TSC2: variants seen among roughly 807,000 people sequenced by gnomAD.
TSC2 encodes TSC complex subunit 2, also known as tuberin.
In TSC2, 29 loss-of-function variants were observed where a neutral mutation model predicts 202.2. That is an observed-to-expected ratio of 0.14 (90% confidence interval 0.11 to 0.20). The LOEUF (loss-of-function observed/expected upper bound fraction) is 0.20. TSC2 is among the 10% of genes least tolerant of loss of function. The pLI, the probability that TSC2 is intolerant of heterozygous loss-of-function variation, is 1.00. For missense variants in TSC2, 2,429 were observed against 2,420.0 expected (o/e 1.00, Z -0.08); for synonymous variants, 1,349 against 1,044.0 (o/e 1.29, Z -5.63).
At chr16:2,055,094 T>G (rs1241958134) in intron 5 of TSC2, 1 of 450,446 alleles carries the variant, frequency 2.2e-6, no homozygotes. Context: ...AGTCTGGTGA[T>G]GTCGGCGTCT....
chr16:2,082,164 C>T (rs943282795), intron 31 of TSC2: 5 of 595,114 alleles, frequency 8.4e-6, no homozygotes, highest in African/African-American at 1.9e-5. Flanking sequence ...CCACCCCACT[C>T]GGCACCGTGC....
intron 13 of TSC2, 24 bp downstream of exon 13, chr16:2,062,624 C>CCTGGCACCTGGAGCCTGGCCCTGT (rs2086784965): frequency 6.3e-7 from 1 of 1,582,704 alleles, no homozygotes; most frequent in South Asian, 1.1e-5. Flanking sequence ...TGTAGCCTTG[C>CCTGGCACCTGGAGCCTGGCCCTGT]CTGGCACCTG....
Position 2,084,242 on chromosome 16 carries a change from C to T in TSC2, c.4020C>T (p.Ser1340=), listed in dbSNP as rs1596415292. 2 of 1,597,024 alleles carry T rather than the reference C, an allele frequency of 1.3e-6. No homozygotes were observed. Among genetic ancestry groups the T allele is most frequent in the Non-Finnish European group, 1.7e-6 (2 of 1,171,522 alleles). ...TDAYSRSSSV[S]SQEEKSLHAE... is the part of the protein sequence containing the mutation. ...GTCCTTTCTAGTCGTCCTCAGTCTC[C>T]AGCCAGGAGGAGAAGTCGCTCCACG... The change falls in exon 34 of 42, where the codon TCC becomes TCT. Residue 1340 remains serine, a synonymous_variant. Transcript: ENST00000219476.
At chr16:2,070,822 A>G (rs1172636772) in intron 17 of TSC2, among the ~76,000 whole-genome samples, 1 of 152,162 alleles carries the variant, frequency 6.6e-6, no homozygotes, top group Non-Finnish European at 1.5e-5. Flanking sequence ...GGCAGAGAAA[A>G]GGACGCACGG....
chr16:2,072,422 C>G (rs1483082107), intron 20 of TSC2, 59 bp downstream of exon 20: 1 of 1,606,774 alleles, frequency 6.2e-7, no homozygotes, highest in Non-Finnish European at 8.5e-7. Flanking sequence ...CCCCAAAAGA[C>G]TGCGAGCCTC....
Position 2,079,333 on chromosome 16 carries a change from G to T in TSC2, c.3189G>T (p.Gly1063=). The change falls in exon 28 of 42, where the codon GGG becomes GGT. Residue 1063 remains glycine, a synonymous_variant. Coordinates refer to ENST00000219476, the MANE Select transcript of TSC2 (RefSeq NM_000548.5). This position sits in a 1 kb window ranked among gnomAD's most constrained non-coding sequence, Gnocchi z 4.6. ...AGGRTKTWLV[G]NKLVTVTTSV... is the part of the protein sequence containing the mutation. ...GCAGGACCAAAACCTGGCTGGTTGG[G>T]AACAAGCTTGTCACTGTGACGACAA... 1 of 1,613,054 alleles carries T rather than the reference G, an allele frequency of 6.2e-7. No homozygotes were observed. Among genetic ancestry groups the T allele is most frequent in the Non-Finnish European group, 8.5e-7 (1 of 1,180,026 alleles).
rs749922321 is a variant in TSC2 at position 2,079,227 on chromosome 16, C to T, written c.3131+31C>T. ...GGCGGCACTACAGGGCTGGGCGGGC[C>T]TGCGGGAGCTCCACGGGCAAGCTGG... On this transcript the variant is annotated intron_variant, in intron 27 of 41. Transcript: ENST00000219476. The surrounding 1 kb of genome is among the most constrained non-coding windows in gnomAD (Gnocchi z 4.6). 1 of 1,612,924 alleles carries T rather than the reference C, an allele frequency of 6.2e-7. No homozygotes were observed. The highest frequency in any genetic ancestry group is 8.5e-7 in the Non-Finnish European group (1 of 1,180,018).
At chr16:2,087,007 G>A in intron 38 of TSC2, 136 bp downstream of exon 38, 1 of 1,350,828 alleles carries the variant, frequency 7.4e-7, no homozygotes, top group Non-Finnish European at 1.0e-6. Context: ...AGGGCCCCGT[G>A]GGCACGAGCT....
Position 2,076,526 on chromosome 16 carries a change from C to T in TSC2, c.2778C>T (p.Asp926=), listed in dbSNP as rs776069297. Residue 926 remains aspartate, a synonymous_variant, in exon 25 of 42, where the codon GAC becomes GAT. Transcript: ENST00000219476. The part of the protein sequence containing the change: ...LRSNVLLSFD[D]TPEKDSFRAR... The stretch of plus-strand genomic sequence containing the variant: ...CCAATGTCCTCTTGTCTTTTGATGA[C>T]ACCCCCGAGAAGGACAGCTTCAGGG... 7.4e-6 allele frequency: 12 copies of T among 1,613,456 alleles called. No individual in the cohort carries two copies. The South Asian group carries it at 7.7e-5, about 10-fold the overall frequency.
rs748164142 is a variant in TSC2, at chr16:2,060,822, G to A, written c.1119+9G>A. The A allele has an allele frequency of 6.8e-6, 11 of 1,613,032 alleles. No individual in the cohort carries two copies. The highest frequency in any genetic ancestry group is 3.3e-5 in the Admixed American group (2 of 60,016). ...TCCTTCAGCAGCTCCAGGTGGGGTGGGGGCAGGAGCTCCGGGGAGCACCGG... is the reference window on the plus strand; with the variant it reads ...TCCTTCAGCAGCTCCAGGTGGGGTGAGGGCAGGAGCTCCGGGGAGCACCGG... On this transcript the variant is annotated intron_variant, in intron 11 of 41. Transcript: ENST00000219476.
chr16:2,048,530 G>A (rs2084652418), intron 1 of TSC2, 57 bp from the exon 2 acceptor site: 1 of 1,606,818 alleles, frequency 6.2e-7, no homozygotes, highest in Admixed American at 1.7e-5. Flanking sequence ...GGTCCGCAGT[G>A]GGGAAGGTGG....
intron 26 of TSC2, 67 bp downstream of exon 26, chr16:2,077,793 T>A (rs770173532): frequency 3.7e-6 from 6 of 1,600,996 alleles, no homozygotes; most frequent in Non-Finnish European, 5.1e-6. Context: ...TGGGTGGCAG[T>A]GCATGGGGCT....
chr16:2,059,338 C>T (rs868523624), intron 10 of TSC2, among the ~76,000 whole-genome samples: 4 of 124,712 alleles, frequency 3.2e-5, no homozygotes, highest in African/African-American at 1.2e-4. Flanking sequence ...TTCTCTCTCT[C>T]TTTTTTTTTT....
intron 16 of TSC2, among the ~76,000 whole-genome samples, chr16:2,067,300 C>A (rs1333288731): frequency 1.3e-5 from 2 of 151,866 alleles, no homozygotes; most frequent in Non-Finnish European, 2.9e-5. Context: ...TAGCTGGGAC[C>A]ATAGGCACAC....
chr16:2,076,113 G>A lies in TSC2; in HGVS notation c.2685G>A (p.Met895Ile), dbSNP rs2151387510. 6.2e-7 allele frequency: 1 copy of A among 1,613,944 alleles called. No individual in the cohort carries two copies. The highest frequency in any genetic ancestry group is 8.5e-7 in the Non-Finnish European group (1 of 1,180,036). The change falls in exon 24 of 42, where the codon ATG becomes ATA. Residue 895 changes from methionine (M) to isoleucine (I), a missense_variant. Met to Ile is a conservative substitution (Grantham distance 10, BLOSUM62 1). Transcript: ENST00000219476. ...GTCTGGCCCATCACGTCATAGCCAT[G>A]TGGTTCATCAGGTGCCGCCTGCCCT... ...IVCLAHHVIA[M>I]WFIRCRLPFR...
intron 2 of TSC2, among the ~76,000 whole-genome samples, chr16:2,049,375 C>G (rs1172510946): frequency 2.0e-5 from 3 of 151,940 alleles, no homozygotes; most frequent in Non-Finnish European, 4.4e-5. Flanking sequence ...CATGAGCCAT[C>G]GCACATGGGC....
At chr16:2,080,436 A>G (rs2089988894) in intron 30 of TSC2, 59 bp downstream of exon 30, 4 of 1,590,462 alleles carry the variant, frequency 2.5e-6, no homozygotes, top group Admixed American at 3.4e-5. Context: ...AGAGCTGTGG[A>G]CACTCAGGGG....
At position 2,071,582 on chromosome 16, in the gene TSC2, G is replaced by C. The variant is rs587778730; in HGVS notation, c.1912G>C (p.Val638Leu). ...GGGCCTGCCCAACAAGGATGGAGTC[G>C]TGCGGTTCAGCCCCTACTGCGTCTG... is the stretch of plus-strand genomic sequence containing the variant. ...RLGLPNKDGV[V>L]RFSPYCVCDY... Residue 638 changes from valine to leucine, a missense_variant, in exon 18 of 42, where the codon GTG becomes CTG. Coordinates refer to ENST00000219476, the MANE Select transcript of TSC2 (RefSeq NM_000548.5). 1 of 1,613,492 alleles carries C rather than the reference G, an allele frequency of 6.2e-7. No individual in the cohort carries two copies. The highest frequency in any genetic ancestry group is 1.7e-5 in the Admixed American group (1 of 60,034).
At chr16:2,080,705 C>A (rs573682732) in intron 30 of TSC2, 86 of 330,596 alleles carry the variant, frequency 2.6e-4, no homozygotes, top group East Asian at 2.6e-3. Context: ...AGGATGGTCT[C>A]AATCTCCTGA....
Sources: gnomAD v4.1 joint callset for allele counts (sites outside exome capture counted in the v4.1 genomes callset) on GRCh38, gnomAD v4.1.1 for gene constraint, Gnocchi (gnomAD v3.1) non-coding constraint, MANE v1.5 for transcripts, NCBI Gene and HGNC (gene_info 2026-07-23, HGNC 2026-07-21) for gene names.